GALNT13: variants seen among roughly 807,000 people sequenced by gnomAD.
GALNT13 encodes polypeptide N-acetylgalactosaminyltransferase 13, also known as UDP-GalNAc:polypeptide N-acetylgalactosaminyltransferase 13.
In GALNT13, 28 loss-of-function variants were observed where a neutral mutation model predicts 64.2. The observed-to-expected ratio is 0.44, with a 90% CI of 0.32 to 0.60. The LOEUF is 0.60. Among genes scored for constraint, GALNT13 ranks in the 20% least tolerant of loss-of-function variants. GALNT13 has a pLI of 0.05. For missense variants in GALNT13, 577 were observed against 669.8 expected, an observed-to-expected ratio of 0.86 and a Z score of 1.53; for synonymous variants, 214 against 224.6, an observed-to-expected ratio of 0.95 and a Z score of 0.42.
chr2:153,362,095 CT>C, the GALNT13 span, among the ~76,000 whole-genome samples: 16 of 152,122 alleles, frequency 1.1e-4, no homozygotes, highest in Non-Finnish European at 1.6e-4. Flanking sequence ...GAATTTTCAA[CT>C]CAGAATTTTA....
chr2:153,671,702 T>C, the GALNT13 span, among the ~76,000 whole-genome samples: 1 of 152,120 alleles, frequency 6.6e-6, no homozygotes. Context: ...CACATAACAA[T>C]ATTAACCTTA....
the GALNT13 span, among the ~76,000 whole-genome samples, chr2:153,452,826 A>G: frequency 6.6e-6 from 1 of 152,162 alleles, no homozygotes; most frequent in Admixed American, 6.5e-5. Context: ...AAGCAATCCT[A>G]AGCAAAAACA....
intron 4 of GALNT13, among the ~76,000 whole-genome samples, chr2:154,230,780 G>C (rs763414666): frequency 2.6e-5 from 4 of 152,084 alleles, no homozygotes; most frequent in Non-Finnish European, 5.9e-5. Flanking sequence ...TGTTCAGAGA[G>C]CCATGCAAGA....
intron 4 of GALNT13, among the ~76,000 whole-genome samples, chr2:154,224,377 A>G (rs1350897965): frequency 6.6e-6 from 1 of 152,034 alleles, no homozygotes; most frequent in African/African-American, 2.4e-5. Context: ...CACACGTCAA[A>G]ATTTAGGGAG....
At chr2:154,419,140 T>C (rs1041425652) in intron 11 of GALNT13, among the ~76,000 whole-genome samples, 1 of 152,090 alleles carries the variant, frequency 6.6e-6, no homozygotes. Flanking sequence ...TATCCAATAA[T>C]TGAGCAAAAA....
the GALNT13 span, among the ~76,000 whole-genome samples, chr2:153,671,716 G>A: frequency 6.6e-6 from 1 of 152,162 alleles, no homozygotes; most frequent in East Asian, 1.9e-4. Flanking sequence ...AACCTTAAAT[G>A]TAAATGGGCT....
At chr2:153,902,522 AT>A (rs1437895675) in intron 2 of GALNT13, among the ~76,000 whole-genome samples, 2 of 152,064 alleles carry the variant, frequency 1.3e-5, no homozygotes, top group African/African-American at 4.8e-5. Context: ...GTATTTTTAA[AT>A]GTTATTCTGG....
intron 3 of GALNT13, among the ~76,000 whole-genome samples, chr2:154,134,233 A>G (rs1682820609): frequency 6.6e-6 from 1 of 152,212 alleles, no homozygotes; most frequent in Admixed American, 6.5e-5. Flanking sequence ...CAACATTATG[A>G]AAAGTATAAT....
At chr2:154,121,091 G>A (rs1013939631) in intron 3 of GALNT13, among the ~76,000 whole-genome samples, 7 of 152,168 alleles carry the variant, frequency 4.6e-5, no homozygotes, top group Non-Finnish European at 8.8e-5. Context: ...GTATTGTGCC[G>A]ACTTGGGGAA....
At chr2:153,180,567 T>C in the GALNT13 span, among the ~76,000 whole-genome samples, 33 of 152,320 alleles carry the variant, frequency 2.2e-4, no homozygotes, top group African/African-American at 7.9e-4. Flanking sequence ...ATTCCCTCTT[T>C]AATTTTTTTG....
intron 3 of GALNT13, among the ~76,000 whole-genome samples, chr2:154,036,587 GTGTGTACC>G (rs1452058899): frequency 3.9e-5 from 6 of 152,054 alleles, no homozygotes; most frequent in Non-Finnish European, 8.8e-5. Flanking sequence ...GTGTGAATAT[GTGTGTACC>G]TGTGTGTACA....
chr2:153,594,880 A>G, the GALNT13 span, among the ~76,000 whole-genome samples: 3 of 152,146 alleles, frequency 2.0e-5, no homozygotes, highest in Non-Finnish European at 4.4e-5. Context: ...TCTCAAGTAT[A>G]TAGCACTTAT....
chr2:153,234,699 A>C, the GALNT13 span, among the ~76,000 whole-genome samples: 1 of 152,142 alleles, frequency 6.6e-6, no homozygotes. Flanking sequence ...CATGTATTAC[A>C]TGTGCTCTCA....
chr2:153,698,434 G>A, the GALNT13 span, among the ~76,000 whole-genome samples: 86 of 151,934 alleles, frequency 5.7e-4, 1 homozygote, highest in African/African-American at 1.5e-3. Flanking sequence ...AAAAAAAGGC[G>A]TCACAATCCT....
the GALNT13 span, among the ~76,000 whole-genome samples, chr2:153,731,127 C>T: frequency 6.6e-6 from 1 of 151,562 alleles, no homozygotes; most frequent in South Asian, 2.1e-4. Context: ...ATATATATGA[C>T]ATATATGTGT....
chr2:153,981,564 T>C (rs186287098), intron 3 of GALNT13, among the ~76,000 whole-genome samples: 1 of 152,308 alleles, frequency 6.6e-6, no homozygotes, highest in Admixed American at 6.5e-5. Flanking sequence ...TTTTTATGGC[T>C]GCATAGTATT....
At chr2:153,621,433 G>T in the GALNT13 span, among the ~76,000 whole-genome samples, 3 of 152,090 alleles carry the variant, frequency 2.0e-5, no homozygotes, top group Admixed American at 6.6e-5. Context: ...CCCAAGGTTT[G>T]CTGTAACCAC....
intron 3 of GALNT13, among the ~76,000 whole-genome samples, chr2:154,047,320 G>A (rs1699341336): frequency 6.6e-6 from 1 of 152,162 alleles, no homozygotes; most frequent in East Asian, 1.9e-4. Context: ...TTTTCCAAAA[G>A]AGACTGATCA....
At chr2:153,532,128 A>G in the GALNT13 span, among the ~76,000 whole-genome samples, 3 of 151,204 alleles carry the variant, frequency 2.0e-5, no homozygotes, top group Non-Finnish European at 4.4e-5. Flanking sequence ...TTCCCACCGC[A>G]CTTCCCTAGT....
Sources: gnomAD v4.1 joint callset for allele counts (sites outside exome capture counted in the v4.1 genomes callset) on GRCh38, gnomAD v4.1.1 for gene constraint, MANE v1.5 for transcripts, NCBI Gene and HGNC (gene_info 2026-07-23, HGNC 2026-07-21) for gene names.